Variants in AKT3 observed in about 807,000 individuals in gnomAD.
The protein encoded by AKT3 is RAC-gamma serine/threonine-protein kinase.
A neutral mutation model predicts 65.3 loss-of-function variants in AKT3; 15 were observed. The observed-to-expected ratio is 0.23, with a 90% CI of 0.15 to 0.35. The LOEUF is 0.35. AKT3 is among the 10% of genes least tolerant of loss of function. The pLI is 1.00. For synonymous variants in AKT3, 206 were observed against 183.8 expected, an observed-to-expected ratio of 1.12 and a Z score of -0.98; for missense variants, 243 against 576.5, an observed-to-expected ratio of 0.42 and a Z score of 5.92.
intron 2 of AKT3, among the ~76,000 whole-genome samples, chr1:243,778,760 T>C (rs1690716293): frequency 6.6e-6 from 1 of 152,170 alleles, no homozygotes; most frequent in African/African-American, 2.4e-5. Context: ...CACCCATCCA[T>C]CTGCCTGTTT....
intron 5 of AKT3, among the ~76,000 whole-genome samples, chr1:243,638,285 T>C (rs1348349857): frequency 6.6e-6 from 1 of 152,176 alleles, no homozygotes; most frequent in Non-Finnish European, 1.5e-5. Context: ...GCAGTTGTTA[T>C]TCCTGAGAGA....
intron 3 of AKT3, among the ~76,000 whole-genome samples, chr1:243,668,381 T>C (rs1169897249): frequency 6.6e-6 from 1 of 152,108 alleles, no homozygotes; most frequent in East Asian, 1.9e-4. Flanking sequence ...AGGGCCCAAA[T>C]GCAATTAGGA....
intron 12 of AKT3, among the ~76,000 whole-genome samples, chr1:243,526,844 G>A (rs372551170): frequency 2.0e-4 from 19 of 93,732 alleles, no homozygotes; most frequent in African/African-American, 4.9e-4. Flanking sequence ...TATTCCAGAC[G>A]AAAACATGGA....
intron 2 of AKT3, among the ~76,000 whole-genome samples, chr1:243,807,071 A>C (rs1223608452): frequency 3.3e-5 from 5 of 152,224 alleles, no homozygotes; most frequent in Non-Finnish European, 7.3e-5. Flanking sequence ...AGATGGCCGA[A>C]TAGGAAAAGC....
chr1:243,493,728 T>C (rs1319124902), intron 13 of AKT3, among the ~76,000 whole-genome samples: 1 of 152,142 alleles, frequency 6.6e-6, no homozygotes, highest in South Asian at 2.1e-4. Flanking sequence ...GATTTAAACT[T>C]GTGCATGGAT....
Position 243,504,959 on chromosome 1 carries a change from C to T in AKT3, c.*290G>A, listed in dbSNP as rs1246308733. On this transcript the variant is annotated 3_prime_UTR_variant, in exon 14 of 14. Transcript: ENST00000673466. ...ATGAACAATGGTGGGCTCATGACTT[C>T]CAAAGGTTGGAAAATTACTTCTTAA... is the stretch of plus-strand genomic sequence containing the variant. The T allele has an allele frequency of 2.6e-6, 1 of 380,578 alleles. No homozygotes were observed. Among genetic ancestry groups the T allele is most frequent in the Non-Finnish European group, 4.7e-6 (1 of 212,656 alleles). The allele number at this position is 380,578 out of a possible 1,614,324, so 23.6% of individuals were successfully genotyped here.
At chr1:243,538,715 G>T (rs2148432165) in intron 12 of AKT3, among the ~76,000 whole-genome samples, 1 of 152,032 alleles carries the variant, frequency 6.6e-6, no homozygotes, top group African/African-American at 2.4e-5. Flanking sequence ...AGGAGGTAAA[G>T]ATGAGCGCAG....
chr1:243,583,575 A>G (rs1675579517), intron 8 of AKT3, among the ~76,000 whole-genome samples: 1 of 148,184 alleles, frequency 6.7e-6, no homozygotes, highest in Non-Finnish European at 1.5e-5. Flanking sequence ...AAAGAAAAAG[A>G]AAAAGAAAAA....
At chr1:243,694,948 C>T (rs937226875) in intron 3 of AKT3, among the ~76,000 whole-genome samples, 14 of 151,860 alleles carry the variant, frequency 9.2e-5, no homozygotes, top group Admixed American at 6.6e-4. Context: ...TAAATTAACA[C>T]AAAGATTCTC....
chr1:243,732,442 A>C (rs1687621745), intron 2 of AKT3, among the ~76,000 whole-genome samples: 1 of 152,250 alleles, frequency 6.6e-6, no homozygotes, highest in Non-Finnish European at 1.5e-5. Flanking sequence ...TAAATACAGC[A>C]AATGTGTTTT....
chr1:243,845,362 G>C (rs1307259188), intron 1 of AKT3, among the ~76,000 whole-genome samples: 2 of 150,792 alleles, frequency 1.3e-5, no homozygotes, highest in African/African-American at 4.9e-5. Context: ...CCAGCACTTT[G>C]GGAGGCCAGG....
At chr1:243,496,474 GAC>G (rs1467554023), downstream of AKT3, among the ~76,000 whole-genome samples, 1 of 152,236 alleles carries the variant, frequency 6.6e-6, no homozygotes, top group East Asian at 1.9e-4. Context: ...TTTATTGCCA[GAC>G]ACACAAGGAA....
At chr1:243,724,927 G>A (rs1687117634) in intron 2 of AKT3, among the ~76,000 whole-genome samples, 1 of 151,984 alleles carries the variant, frequency 6.6e-6, no homozygotes, top group South Asian at 2.1e-4. Context: ...GTAGGGTTGG[G>A]CACAGTGGCT....
intron 3 of AKT3, among the ~76,000 whole-genome samples, chr1:243,667,507 GTTTCTAC>G (rs1682879828): frequency 6.6e-6 from 1 of 152,046 alleles, no homozygotes; most frequent in Non-Finnish European, 1.5e-5. Context: ...AAATCTTGGT[GTTTCTAC>G]TTTAAAAACA....
At chr1:243,670,429 T>C (rs545829892) in intron 3 of AKT3, among the ~76,000 whole-genome samples, 1 of 152,316 alleles carries the variant, frequency 6.6e-6, no homozygotes, top group East Asian at 1.9e-4. Flanking sequence ...ATGTTCGCAA[T>C]AAGGAATCAG....
At chr1:243,745,390 T>C (rs998684352) in intron 2 of AKT3, among the ~76,000 whole-genome samples, 2 of 152,158 alleles carry the variant, frequency 1.3e-5, no homozygotes, top group African/African-American at 2.4e-5. Context: ...AAACGAGATA[T>C]GATGTCAAAA....
rs564465272 is a variant in AKT3 at position 243,630,671 on chromosome 1, A to T, written c.561+6940T>A. ...CTCCAATTCATTCTTGCTTTTTTTT[A>T]AAAAAAAAATTATAACATGCTTTCA... On this transcript the variant is annotated intron_variant, in intron 6 of 13. Transcript: ENST00000673466. Among the ~76,000 whole-genome samples the T allele has an allele frequency of 1.5e-3, 230 of 150,272 alleles. 1 individual carries two copies. The highest frequency in any genetic ancestry group is 6.0e-3 in the East Asian group (31 of 5,146).
At chr1:243,505,569 T>G (rs1669616263) in intron 13 of AKT3, among the ~76,000 whole-genome samples, 1 of 152,134 alleles carries the variant, frequency 6.6e-6, no homozygotes, top group Non-Finnish European at 1.5e-5. Context: ...ACATCAAAAT[T>G]TCAAGACTCA....
chr1:243,620,100 GA>G (rs1427954861), intron 6 of AKT3, among the ~76,000 whole-genome samples: 2 of 98,286 alleles, frequency 2.0e-5, no homozygotes, highest in African/African-American at 5.3e-5. Flanking sequence ...GCTGGGAGGT[GA>G]CTGGGATCAG....
Sources: gnomAD v4.1 joint callset for allele counts (sites outside exome capture counted in the v4.1 genomes callset) on GRCh38, gnomAD v4.1.1 for gene constraint, MANE v1.5 for transcripts, NCBI Gene and HGNC (gene_info 2026-07-23, HGNC 2026-07-21) for gene names.